Variants in TSHZ3 observed in about 807,000 individuals in gnomAD.
The protein encoded by TSHZ3 is teashirt zinc finger homeobox 3, also known as teashirt homolog 3.
Under a neutral mutation model 64.5 loss-of-function variants are expected in TSHZ3, and 10 were observed. The observed-to-expected ratio is 0.16, with a 90% CI of 0.10 to 0.26. TSHZ3 has a LOEUF of 0.26. TSHZ3 is among the 10% of genes least tolerant of loss of function. TSHZ3 has a pLI of 1.00. For synonymous variants in TSHZ3, 608 were observed against 593.1 expected, an observed-to-expected ratio of 1.03 and a Z score of -0.36; for missense variants, 1,242 against 1,421.7, an observed-to-expected ratio of 0.87 and a Z score of 2.03.
At chr19:31,162,249 TA>T (rs138754380) in intron 5 of TSHZ3, among the ~76,000 whole-genome samples, 4 of 152,104 alleles carry the variant, frequency 2.6e-5, no homozygotes, top group African/African-American at 7.2e-5. Flanking sequence ...ATGAAATACT[TA>T]AAAAAAATCT....
chr19:31,324,541 A>AG (rs942707256), intron 1 of TSHZ3, among the ~76,000 whole-genome samples: 21 of 152,364 alleles, frequency 1.4e-4, no homozygotes, highest in African/African-American at 4.8e-4. Flanking sequence ...AGAATGGGCA[A>AG]GGGGCGTGAA....
At chr19:31,286,363 C>T (rs1482765882) in intron 1 of TSHZ3, among the ~76,000 whole-genome samples, 1 of 152,162 alleles carries the variant, frequency 6.6e-6, no homozygotes, top group Non-Finnish European at 1.5e-5. Context: ...ACCTTGGAAG[C>T]CCACATGATG....
At chr19:31,236,466 A>G (rs1975616575) in intron 3 of TSHZ3, among the ~76,000 whole-genome samples, 1 of 152,054 alleles carries the variant, frequency 6.6e-6, no homozygotes, top group Admixed American at 6.5e-5. Flanking sequence ...TTAGGTCCTT[A>G]GTTCATTTTT....
chr19:31,152,450 A>C (rs1360429235), intron 6 of TSHZ3, among the ~76,000 whole-genome samples: 1 of 152,144 alleles, frequency 6.6e-6, no homozygotes, highest in Non-Finnish European at 1.5e-5. Context: ...GGGTGATTAG[A>C]AAAGAAAGGA....
intron 1 of TSHZ3, among the ~76,000 whole-genome samples, chr19:31,306,081 G>A (rs1393140477): frequency 6.6e-6 from 1 of 152,172 alleles, no homozygotes; most frequent in Non-Finnish European, 1.5e-5. Context: ...ATGGTCAAAT[G>A]TCAAAGTTGA....
intron 3 of TSHZ3, among the ~76,000 whole-genome samples, chr19:31,238,447 G>A (rs1292850749): frequency 6.6e-6 from 1 of 151,906 alleles, no homozygotes; most frequent in African/African-American, 2.4e-5. Context: ...GTAGACATGG[G>A]GTTTCACCAT....
At chr19:31,280,020 C>T (rs1015922974) in intron 1 of TSHZ3, among the ~76,000 whole-genome samples, 2 of 151,466 alleles carry the variant, frequency 1.3e-5, no homozygotes, top group African/African-American at 4.8e-5. Context: ...GGGGCAACAG[C>T]TTGAAATTAA....
intron 1 of TSHZ3, among the ~76,000 whole-genome samples, chr19:31,328,137 C>T (rs188540870): frequency 2.1e-4 from 32 of 152,348 alleles, no homozygotes; most frequent in Non-Finnish European, 3.5e-4. Flanking sequence ...GCTACAAACT[C>T]TGTCAGAAGA....
At chr19:31,240,772 C>T (rs1437802802) in intron 3 of TSHZ3, among the ~76,000 whole-genome samples, 1 of 152,088 alleles carries the variant, frequency 6.6e-6, no homozygotes, top group East Asian at 1.9e-4. Flanking sequence ...ATCCTTCTTT[C>T]TCTGCCCAGT....
chr19:31,345,955 G>A (rs1332736933), intron 1 of TSHZ3, among the ~76,000 whole-genome samples: 2 of 151,988 alleles, frequency 1.3e-5, no homozygotes, highest in African/African-American at 2.4e-5. Flanking sequence ...CAGCACAAAT[G>A]CACACCCCCT....
rs144206028 is a variant in TSHZ3 at position 31,276,613 on chromosome 19, A to G, written c.3180T>C (p.Leu1060=). 9.3e-6 allele frequency: 15 copies of G among 1,604,984 alleles called. No individual in the cohort carries two copies. The highest frequency in any genetic ancestry group is 1.7e-4 in the Middle Eastern group (1 of 6,028). Residue 1060 remains leucine (L), a synonymous_variant, in exon 2 of 2, where the codon CTT becomes CTC. Coordinates refer to ENST00000240587, the MANE Select transcript of TSHZ3 (RefSeq NM_020856.4). ...CCGGAGATTTCCCGTGTGTTTTGCT[A>G]AGGTGAAGTTTAACAGCGTGCTTGC... The part of the protein sequence containing the change: ...FASKHAVKLH[L]SKTHGKSPED...
chr19:31,307,564 G>A (rs545774452), intron 1 of TSHZ3, among the ~76,000 whole-genome samples: 2 of 152,308 alleles, frequency 1.3e-5, no homozygotes, highest in African/African-American at 2.4e-5. Context: ...AAAGCCAAGG[G>A]TGCCCCCCAA....
chr19:31,197,813 T>C (rs8111994), intron 5 of TSHZ3, among the ~76,000 whole-genome samples: 105,960 of 151,878 alleles, frequency 0.7, 37,174 homozygotes, highest in African/African-American at 0.77. Flanking sequence ...TATTTAATAA[T>C]TAAAAACAGA....
chr19:31,270,286 T>C (rs1167912577), downstream of TSHZ3, among the ~76,000 whole-genome samples: 1 of 152,202 alleles, frequency 6.6e-6, no homozygotes. Context: ...TGTGAGCTCT[T>C]ACCCAGGAAA....
chr19:31,320,108 G>T (rs1246459638), intron 1 of TSHZ3, among the ~76,000 whole-genome samples: 5 of 152,194 alleles, frequency 3.3e-5, no homozygotes, highest in Non-Finnish European at 7.3e-5. Context: ...AGAAACAGAT[G>T]AAATATACAT....
intron 4 of TSHZ3, among the ~76,000 whole-genome samples, chr19:31,216,425 AT>A (rs1302408631): frequency 6.6e-6 from 1 of 151,406 alleles, no homozygotes; most frequent in African/African-American, 2.4e-5. Context: ...GTCACCTGAG[AT>A]CATCAGAAAG....
chr19:31,222,989 G>C (rs1207638768), intron 4 of TSHZ3, among the ~76,000 whole-genome samples: 3 of 152,218 alleles, frequency 2.0e-5, no homozygotes, highest in Non-Finnish European at 2.9e-5. Context: ...AAGGCCACTT[G>C]AGTGGATCTC....
chr19:31,192,541 T>C (rs1974925973), intron 5 of TSHZ3, among the ~76,000 whole-genome samples: 1 of 152,262 alleles, frequency 6.6e-6, no homozygotes, highest in African/African-American at 2.4e-5. Flanking sequence ...CTATGTTTAC[T>C]TATATTTTAT....
intron 5 of TSHZ3, among the ~76,000 whole-genome samples, chr19:31,179,168 G>A (rs1232430264): frequency 6.6e-6 from 1 of 152,134 alleles, no homozygotes; most frequent in South Asian, 2.1e-4. Context: ...ACAGAAAACA[G>A]CAAGGGAAGA....
Sources: allele counts gnomAD v4.1 joint callset (sites outside exome capture counted in the v4.1 genomes callset), GRCh38; gene constraint gnomAD v4.1.1; transcripts MANE v1.5; gene names NCBI Gene and HGNC (gene_info 2026-07-23, HGNC 2026-07-21).